Variants in LPP observed in about 807,000 individuals in gnomAD.
The protein encoded by LPP is LIM domain containing preferred translocation partner in lipoma.
LPP carries 38 observed loss-of-function variants against 60.4 expected under a neutral mutation model. The ratio of observed to expected loss-of-function variants is 0.63; its 90% CI spans 0.49 to 0.83. The LOEUF (loss-of-function observed/expected upper bound fraction) is 0.83. Among genes scored for constraint, LPP ranks in the 40% least tolerant of loss-of-function variants. LPP has a pLI of 0.00. For synonymous variants in LPP, 328 were observed against 290.8 expected, an observed-to-expected ratio of 1.13 and a Z score of -1.30; for missense variants, 902 against 783.6, an observed-to-expected ratio of 1.15 and a Z score of -1.80.
chr3:188,872,622 G>A (rs374273793), intron 10 of LPP, 21 bp from the exon 11 acceptor site: 6 of 1,613,850 alleles, frequency 3.7e-6, no homozygotes, highest in Non-Finnish European at 5.1e-6. Context: ...TATCTAACCA[G>A]AACTCTCTCT....
At chr3:188,207,708 G>A (rs1038196273) in intron 1 of LPP, among the ~76,000 whole-genome samples, 29 of 150,518 alleles carry the variant, frequency 1.9e-4, no homozygotes, top group African/African-American at 6.4e-4. Flanking sequence ...TACTGCCTTG[G>A]CCTCCTGAGT....
rs1166940633 is a variant in LPP, at chr3:188,885,866, G to T, written c.*11387G>T. ...TGAGATGGTATCTCATAGTGGTTTT[G>T]ATTTGCATTTCTCTGATGGCCAGTG... On this transcript the variant is annotated 3_prime_UTR_variant, in exon 12 of 12. Transcript: ENST00000617246. 1 of 152,118 alleles carries T rather than the reference G, an allele frequency of 6.6e-6. No homozygotes were observed. The highest frequency in any genetic ancestry group is 1.5e-5 in the Non-Finnish European group (1 of 68,032). The allele number at this position is 152,118 out of a possible 1,614,324, so 9.4% of individuals were successfully genotyped here. A position where few individuals can be genotyped will look rare whatever the true frequency, so the allele number is the denominator to read the frequency against.
At chr3:188,638,825 T>G (rs1849414348) in intron 7 of LPP, among the ~76,000 whole-genome samples, 1 of 148,386 alleles carries the variant, frequency 6.7e-6, no homozygotes, top group South Asian at 2.2e-4. Flanking sequence ...GAAGGACCTC[T>G]TCAAGGAGAA....
intron 4 of LPP, among the ~76,000 whole-genome samples, chr3:188,432,496 A>C (rs142191674): frequency 6.6e-6 from 1 of 152,174 alleles, no homozygotes; most frequent in African/African-American, 2.4e-5. Context: ...GCTATGAATC[A>C]GGGTGGATTC....
At chr3:188,805,284 G>A (rs1748750841) in intron 9 of LPP, among the ~76,000 whole-genome samples, 1 of 151,944 alleles carries the variant, frequency 6.6e-6, no homozygotes, top group African/African-American at 2.4e-5. Context: ...TTATTTAAAT[G>A]TTTGGTACAG....
At chr3:188,631,701 C>G (rs1048537510) in intron 7 of LPP, among the ~76,000 whole-genome samples, 2 of 152,120 alleles carry the variant, frequency 1.3e-5, no homozygotes. Flanking sequence ...ATTAATGACA[C>G]GTGACTTCTG....
At chr3:188,645,597 G>A (rs1010341087) in intron 7 of LPP, among the ~76,000 whole-genome samples, 1 of 152,060 alleles carries the variant, frequency 6.6e-6, no homozygotes, top group Non-Finnish European at 1.5e-5. Flanking sequence ...CTACAGTGTG[G>A]GAACGTGGAT....
chr3:188,308,753 T>C (rs1356781256), intron 2 of LPP, among the ~76,000 whole-genome samples: 1 of 152,194 alleles, frequency 6.6e-6, no homozygotes, highest in Admixed American at 6.5e-5. Context: ...TTCAGAACGA[T>C]AAAACTTCGG....
At chr3:188,632,655 C>T (rs975655605) in intron 7 of LPP, among the ~76,000 whole-genome samples, 3 of 152,168 alleles carry the variant, frequency 2.0e-5, no homozygotes, top group Non-Finnish European at 4.4e-5. Context: ...TCTGTGACAA[C>T]ATCTGAAAGA....
At chr3:188,400,773 T>A (rs1046678669) in intron 3 of LPP, among the ~76,000 whole-genome samples, 4 of 152,154 alleles carry the variant, frequency 2.6e-5, no homozygotes, top group Non-Finnish European at 4.4e-5. Flanking sequence ...TTCATGATGA[T>A]TATGAACTTC....
chr3:188,527,764 T>TC (rs1560523129), intron 6 of LPP, among the ~76,000 whole-genome samples: 1 of 151,616 alleles, frequency 6.6e-6, no homozygotes, highest in Non-Finnish European at 1.5e-5. Context: ...CTTTTTTTTT[T>TC]TTGTAATGGG....
intron 2 of LPP, among the ~76,000 whole-genome samples, chr3:188,237,159 T>G (rs896960868): frequency 1.8e-4 from 27 of 152,166 alleles, no homozygotes; most frequent in Admixed American, 6.5e-5. Context: ...TCTCTGTTCA[T>G]CCATAAGAAG....
At chr3:188,260,794 A>T (rs1733335101) in intron 2 of LPP, among the ~76,000 whole-genome samples, 1 of 152,160 alleles carries the variant, frequency 6.6e-6, no homozygotes, top group African/African-American at 2.4e-5. Context: ...GCACTTTGGG[A>T]GGCTGAGGCG....
At chr3:188,366,372 T>C (rs1771171449) in intron 3 of LPP, among the ~76,000 whole-genome samples, 1 of 152,178 alleles carries the variant, frequency 6.6e-6, no homozygotes, top group African/African-American at 2.4e-5. Flanking sequence ...CTTGAGACAC[T>C]GATTTTGCCT....
At chr3:188,856,606 G>C (rs1341608814) in intron 9 of LPP, among the ~76,000 whole-genome samples, 1 of 152,212 alleles carries the variant, frequency 6.6e-6, no homozygotes, top group African/African-American at 2.4e-5. Flanking sequence ...TTAAGAGATT[G>C]TTAAGGCAGA....
At chr3:188,341,748 A>C (rs1393247362) in intron 3 of LPP, 29 bp downstream of exon 3, 1 of 911,228 alleles carries the variant, frequency 1.1e-6, no homozygotes, top group Admixed American at 6.2e-5. Flanking sequence ...CTTCTTGTTT[A>C]TGAAATACTA....
Position 188,785,547 on chromosome 3 carries a change from T to TATATATATATATACACACACACAC in LPP, c.1410+25266_1410+25267insTATATATATATACACACACACACA, listed in dbSNP as rs1206082559. Among the ~76,000 whole-genome samples the TATATATATATATACACACACACAC allele has an allele frequency of 2.3e-3, 100 of 43,840 alleles. 4 individuals carry two copies. Among genetic ancestry groups the TATATATATATATACACACACACAC allele is most frequent in the East Asian group, 7.4e-3 (3 of 406 alleles). 28.8% of individuals were successfully genotyped at this position (43,840 alleles called of 152,430 possible). A position where few individuals can be genotyped will look rare whatever the true frequency, so the allele number is the denominator to read the frequency against. ...ATATATATTCCATCATATATATATA[T>TATATATATATATACACACACACAC]ACACACACACACACACACACACACA... On this transcript the variant is annotated intron_variant, in intron 9 of 11. Coordinates refer to ENST00000617246, the MANE Select transcript of LPP (RefSeq NM_001375462.1).
At chr3:188,722,306 G>A (rs140780200) in intron 8 of LPP, among the ~76,000 whole-genome samples, 54 of 152,272 alleles carry the variant, frequency 3.5e-4, no homozygotes, top group Admixed American at 9.2e-4. Context: ...TTGGCATACC[G>A]GCTCAGTAAT....
intron 7 of LPP, among the ~76,000 whole-genome samples, chr3:188,616,751 A>G (rs1401473503): frequency 1.3e-5 from 2 of 152,126 alleles, no homozygotes; most frequent in Non-Finnish European, 2.9e-5. Flanking sequence ...CTATCTCTTA[A>G]TTTATGTATG....
Sources: gnomAD v4.1 joint callset for allele counts (sites outside exome capture counted in the v4.1 genomes callset) on GRCh38, gnomAD v4.1.1 for gene constraint, MANE v1.5 for transcripts, NCBI Gene and HGNC (gene_info 2026-07-23, HGNC 2026-07-21) for gene names.